The following GPR26 variants were observed in gnomAD, a reference collection of about 807,000 sequenced individuals.
The protein encoded by GPR26 is G protein-coupled receptor 26.
A neutral mutation model predicts 23.1 loss-of-function variants in GPR26; 15 were observed. The observed-to-expected ratio is 0.65, with a 90% CI of 0.43 to 1.00. GPR26 has a LOEUF of 1.00. Among genes scored for constraint, GPR26 ranks in the 50% least tolerant of loss-of-function variants. The pLI is 0.00. For missense variants in GPR26, 359 were observed against 470.5 expected, an observed-to-expected ratio of 0.76 and a Z score of 2.19; for synonymous variants, 228 against 222.1, an observed-to-expected ratio of 1.03 and a Z score of -0.24.
intron 2 of GPR26, among the ~76,000 whole-genome samples, chr10:123,680,313 G>A (rs1845356016): frequency 6.6e-6 from 1 of 152,230 alleles, no homozygotes; most frequent in South Asian, 2.1e-4. Flanking sequence ...TGACATTGCT[G>A]TGCCTTCCAC....
In GPR26 at chr10:123,694,085, C is replaced by G. The variant is rs1845517926; in HGVS notation, c.*5925C>G. 6.6e-6 allele frequency: 1 copy of G among 152,648 alleles called. No individual in the cohort carries two copies. The highest frequency in any genetic ancestry group is 2.4e-5 in the African/African-American group (1 of 41,440). 9.5% of individuals were successfully genotyped at this position (152,648 alleles called of 1,614,324 possible). ...GCCAGGCCCTGTGCTTTGTCAGGCTCTGGGGGAGACAGGTCATTACTCTGC... is the reference window on the plus strand; with the variant it reads ...GCCAGGCCCTGTGCTTTGTCAGGCTGTGGGGGAGACAGGTCATTACTCTGC... On this transcript the variant is annotated 3_prime_UTR_variant, in exon 3 of 3. Coordinates refer to ENST00000284674, the MANE Select transcript of GPR26 (RefSeq NM_153442.4).
chr10:123,682,213 T>G lies in GPR26; in HGVS notation c.783-5716T>G, dbSNP rs771268275. ...GAGTTTCTCTAGCAAAATTGGTGGGTTCCCCTGCAGTCATCCCCAGTCTCC... is the reference window on the plus strand; with the variant it reads ...GAGTTTCTCTAGCAAAATTGGTGGGGTCCCCTGCAGTCATCCCCAGTCTCC... On this transcript the variant is annotated intron_variant, in intron 2 of 2. Transcript: ENST00000284674. Among the ~76,000 whole-genome samples the G allele has an allele frequency of 4.5e-4, 68 of 152,168 alleles. 2 individuals are homozygous for G. Among genetic ancestry groups the G allele is most frequent in the Non-Finnish European group, 2.6e-4 (18 of 68,034 alleles).
intron 2 of GPR26, among the ~76,000 whole-genome samples, chr10:123,682,518 C>T (rs1269918222): frequency 6.6e-6 from 1 of 152,212 alleles, no homozygotes; most frequent in Non-Finnish European, 1.5e-5. Context: ...GGACTCTTCC[C>T]AGAGTCTTTG....
rs1191884950 is a variant in GPR26 at position 123,689,539 on chromosome 10, C to T, written c.*1379C>T. The stretch of plus-strand genomic sequence containing the variant: ...AGAGCAGTTATTTTTCAATCCTCCA[C>T]TCTAAGTGATTCCTCCAGGGTGGGA... On this transcript the variant is annotated 3_prime_UTR_variant, in exon 3 of 3. Coordinates refer to ENST00000284674, the MANE Select transcript of GPR26 (RefSeq NM_153442.4). 2 of 152,218 alleles carry T rather than the reference C, an allele frequency of 1.3e-5. No homozygotes were observed. Among genetic ancestry groups the T allele is most frequent in the Non-Finnish European group, 1.5e-5 (1 of 68,044 alleles). The allele number at this position is 152,218 out of a possible 1,614,324, so 9.4% of individuals were successfully genotyped here.
rs988605593 is a variant in GPR26, at chr10:123,695,163, C to T, written c.*7003C>T. On this transcript the variant is annotated 3_prime_UTR_variant, in exon 3 of 3. Transcript: ENST00000284674. ...TAAATAGCATCTAGCATTTAAAGGT[C>T]AAATTTGATGAGTCTAATCAATCTT... Among the ~76,000 whole-genome samples the T allele has an allele frequency of 3.9e-5, 6 of 152,226 alleles. No homozygotes were observed. The highest frequency in any genetic ancestry group is 3.3e-4 in the Admixed American group (5 of 15,284).
chr10:123,680,801 G>GTT (rs869068039), intron 2 of GPR26, among the ~76,000 whole-genome samples: 5 of 66,116 alleles, frequency 7.6e-5, no homozygotes, highest in Admixed American at 2.2e-4. Flanking sequence ...ATTCTCTTGG[G>GTT]TTTTTTTTGT....
intron 1 of GPR26, among the ~76,000 whole-genome samples, chr10:123,670,505 C>T (rs1845237305): frequency 6.6e-6 from 1 of 152,176 alleles, no homozygotes; most frequent in Admixed American, 6.5e-5. Context: ...TGTGTTCTGC[C>T]CTCCTGCCTT....
At position 123,688,732 on chromosome 10, in the gene GPR26, G is replaced by A. The variant is rs1845458162; in HGVS notation, c.*572G>A. 1 of 155,230 alleles carries A rather than the reference G, an allele frequency of 6.4e-6. No individual in the cohort carries two copies. Among genetic ancestry groups the A allele is most frequent in the Non-Finnish European group, 1.4e-5 (1 of 69,934 alleles). 9.6% of individuals were successfully genotyped at this position (155,230 alleles called of 1,614,324 possible). On this transcript the variant is annotated 3_prime_UTR_variant, in exon 3 of 3. Coordinates refer to ENST00000284674, the MANE Select transcript of GPR26 (RefSeq NM_153442.4). Reference sequence around the variant, plus strand: ...GCTGGGACTCTTGGGCTCTGTGCCTGAGGGAAAATGTTTCACAACTAGTGG... The same window carrying A: ...GCTGGGACTCTTGGGCTCTGTGCCTAAGGGAAAATGTTTCACAACTAGTGG...
intron 1 of GPR26, among the ~76,000 whole-genome samples, chr10:123,667,368 T>C (rs1845198938): frequency 6.6e-6 from 1 of 152,206 alleles, no homozygotes; most frequent in Non-Finnish European, 1.5e-5. Context: ...TCTGTGTTTG[T>C]AGCTTTCACT....
intron 2 of GPR26, among the ~76,000 whole-genome samples, chr10:123,676,340 C>T: frequency 6.6e-6 from 1 of 152,104 alleles, no homozygotes; most frequent in East Asian, 1.9e-4. Context: ...ACTATTGGTT[C>T]TTCTTTCTAA....
intron 1 of GPR26, among the ~76,000 whole-genome samples, chr10:123,672,033 G>A (rs997434574): frequency 4.6e-5 from 7 of 152,180 alleles, no homozygotes; most frequent in Non-Finnish European, 8.8e-5. Context: ...TTCCCTCGGA[G>A]CCTGGGGATG....
intron 1 of GPR26, among the ~76,000 whole-genome samples, chr10:123,669,556 G>A (rs931868916): frequency 6.6e-6 from 1 of 152,204 alleles, no homozygotes. Flanking sequence ...TCTCCCTCTG[G>A]ACAGCCAGGA....
At position 123,689,442 on chromosome 10, in the gene GPR26, C is replaced by A. The variant is rs532350281; in HGVS notation, c.*1282C>A. ...CAGTCCTGACTTGATTTAATAAAAA[C>A]CAAGGAGAGCCACCCCTGCTTTCTG... On this transcript the variant is annotated 3_prime_UTR_variant, in exon 3 of 3. Transcript: ENST00000284674. 1 of 152,270 alleles carries A rather than the reference C, an allele frequency of 6.6e-6. No homozygotes were observed. 9.4% of individuals were successfully genotyped at this position (152,270 alleles called of 1,614,324 possible).
intron 2 of GPR26, among the ~76,000 whole-genome samples, chr10:123,685,809 T>C (rs1365394369): frequency 1.3e-5 from 2 of 152,242 alleles, no homozygotes; most frequent in Non-Finnish European, 1.5e-5. Flanking sequence ...GGGCTTCCCA[T>C]GCAGGAGACC....
At chr10:123,680,090 AGTG>A (rs1447134752) in intron 2 of GPR26, among the ~76,000 whole-genome samples, 1 of 152,192 alleles carries the variant, frequency 6.6e-6, no homozygotes, top group Non-Finnish European at 1.5e-5. Context: ...CCAGGTGCTC[AGTG>A]GTGGTGGCCC....
rs753400669 is a variant in GPR26 at position 123,674,914 on chromosome 10, G to A, written c.765G>A (p.Ala255=). ...TAGGGACCTTCCTTGTGTGCTTCGC[G>A]CCCTATGTGATCACCAGGTGAGCCT... is the stretch of plus-strand genomic sequence containing the variant. The part of the protein sequence containing the change: ...TFIGTFLVCF[A]PYVITRLVEL... Residue 255 remains alanine, a synonymous_variant, in exon 2 of 3, where the codon GCG becomes GCA. Coordinates refer to ENST00000284674, the MANE Select transcript of GPR26 (RefSeq NM_153442.4). The surrounding 1 kb of genome is among the most constrained non-coding windows in gnomAD (Gnocchi z 4.1). 3.0e-5 allele frequency: 48 copies of A among 1,609,604 alleles called. No homozygotes were observed. Among genetic ancestry groups the A allele is most frequent in the East Asian group, 4.5e-5 (2 of 44,856 alleles).
chr10:123,675,265 A>G (rs1367835303), intron 2 of GPR26, among the ~76,000 whole-genome samples: 1 of 151,920 alleles, frequency 6.6e-6, no homozygotes, highest in Non-Finnish European at 1.5e-5. Flanking sequence ...GGGAAACATC[A>G]TCTTCCCCAA....
At chr10:123,675,833 C>CGTGTGTGTGTGTGTGT (rs56201657) in intron 2 of GPR26, among the ~76,000 whole-genome samples, 2,942 of 134,098 alleles carry the variant, frequency 0.022, 81 homozygotes, top group Middle Eastern at 0.048. Flanking sequence ...TGTGTGTGTA[C>CGTGTGTGTGTGTGTGT]GTGTGTGTGT....
intron 2 of GPR26, among the ~76,000 whole-genome samples, chr10:123,682,028 C>A (rs1185832371): frequency 6.6e-6 from 1 of 152,216 alleles, no homozygotes; most frequent in African/African-American, 2.4e-5. Context: ...TATAACTCAG[C>A]CTTTAGGCCA....
Sources: gnomAD v4.1 joint callset for allele counts (sites outside exome capture counted in the v4.1 genomes callset) on GRCh38, gnomAD v4.1.1 for gene constraint, Gnocchi (gnomAD v3.1) non-coding constraint, MANE v1.5 for transcripts, NCBI Gene and HGNC (gene_info 2026-07-23, HGNC 2026-07-21) for gene names.